Variants in DPP10 observed in about 807,000 individuals in gnomAD.
DPP10 encodes dipeptidyl peptidase like 10.
In DPP10, 33 loss-of-function variants were observed where a neutral mutation model predicts 120.9. The observed-to-expected ratio is 0.27, with a 90% CI of 0.21 to 0.37. The LOEUF (loss-of-function observed/expected upper bound fraction) is 0.37, where lower values mean the gene tolerates loss of function less well. Ranked by LOEUF, DPP10 falls within the 10% of genes least tolerant of loss-of-function variation. DPP10 has a pLI of 1.00. For missense variants in DPP10, 816 were observed against 942.8 expected, an observed-to-expected ratio of 0.87 and a Z score of 1.76; for synonymous variants, 337 against 326.1, an observed-to-expected ratio of 1.03 and a Z score of -0.36.
Position 115,840,833 on chromosome 2 carries a change from T to C in DPP10, c.2256+10T>C. The stretch of plus-strand genomic sequence containing the variant: ...GAATTATACTATGCAGGTAAGCTAC[T>C]TTCTTAGAAGAACGTGTTTTCCTGC... On this transcript the variant is annotated intron_variant, in intron 25 of 25. Transcript: ENST00000410059. The C allele has an allele frequency of 6.2e-7, 1 of 1,607,312 alleles. No homozygotes were observed. The highest frequency in any genetic ancestry group is 8.5e-7 in the Non-Finnish European group (1 of 1,176,214).
chr2:115,413,573 A>T (rs2069127417), intron 3 of DPP10, among the ~76,000 whole-genome samples: 1 of 152,208 alleles, frequency 6.6e-6, no homozygotes, highest in Non-Finnish European at 1.5e-5. Context: ...AATTTTTAAA[A>T]AGTACCTAAA....
rs574683785 is a variant in DPP10, at chr2:115,271,822, A to G, written c.61-37417A>G. 8.5e-5 allele frequency among the ~76,000 whole-genome samples: 13 copies of G among 152,334 alleles called. No homozygotes were observed. In the East Asian group the frequency reaches 2.5e-3, roughly 29 times the overall value. The stretch of plus-strand genomic sequence containing the variant: ...TTAAAACTTGACAAATATTCTAAAA[A>G]ATGTAAAAGTGAAAATTAGGTATTT... On this transcript the variant is annotated intron_variant, in intron 1 of 25. Coordinates refer to ENST00000410059, the MANE Select transcript of DPP10 (RefSeq NM_020868.6).
intron 1 of DPP10, among the ~76,000 whole-genome samples, chr2:115,105,400 G>C (rs1410182738): frequency 1.3e-5 from 2 of 150,058 alleles, no homozygotes; most frequent in African/African-American, 4.9e-5. Flanking sequence ...AAAGGAAAAA[G>C]GGGAGCAGAT....
Position 115,292,738 on chromosome 2 carries a change from T to C in DPP10, c.61-16501T>C, listed in dbSNP as rs150263919. Among the ~76,000 whole-genome samples the C allele has an allele frequency of 5.6e-4, 86 of 152,264 alleles. No homozygotes were observed. In the East Asian group the frequency reaches 0.012, roughly 22 times the overall value. ...GATGCTATTGGTTTACCAAAAATAATTTCCTGTGATACTAAGCACATGGCT... is the reference window on the plus strand; with the variant it reads ...GATGCTATTGGTTTACCAAAAATAACTTCCTGTGATACTAAGCACATGGCT... On this transcript the variant is annotated intron_variant, in intron 1 of 25. Transcript: ENST00000410059.
chr2:115,114,088 C>T (rs2049372871), intron 1 of DPP10, among the ~76,000 whole-genome samples: 1 of 152,178 alleles, frequency 6.6e-6, no homozygotes. Flanking sequence ...ACTAATTCTG[C>T]CCACCACCAT....
intron 1 of DPP10, among the ~76,000 whole-genome samples, chr2:114,713,277 C>T (rs1000040454): frequency 9.9e-5 from 15 of 152,216 alleles, no homozygotes; most frequent in African/African-American, 2.6e-4. Flanking sequence ...CGTGAGCCAC[C>T]GTACCCCGCC....
chr2:114,448,799 T>TA (rs981466717), intron 1 of DPP10, among the ~76,000 whole-genome samples: 1 of 152,178 alleles, frequency 6.6e-6, no homozygotes, highest in African/African-American at 2.4e-5. Flanking sequence ...TCATTAGGTT[T>TA]ATCTCTTTTA....
intron 1 of DPP10, among the ~76,000 whole-genome samples, chr2:114,784,671 A>G (rs1019265536): frequency 2.0e-5 from 3 of 152,070 alleles, no homozygotes; most frequent in Non-Finnish European, 4.4e-5. Context: ...CACTCAGGGA[A>G]CTCCACACAG....
At chr2:115,384,684 G>A (rs1294710596) in intron 3 of DPP10, among the ~76,000 whole-genome samples, 57 of 143,252 alleles carry the variant, frequency 4.0e-4, no homozygotes, top group African/African-American at 1.5e-3. Flanking sequence ...AGAAGAAGAG[G>A]AAGAAGAAGA....
intron 1 of DPP10, among the ~76,000 whole-genome samples, chr2:114,632,290 C>T (rs1265147788): frequency 6.6e-6 from 1 of 151,948 alleles, no homozygotes; most frequent in Non-Finnish European, 1.5e-5. Flanking sequence ...ATTGTGAGTA[C>T]TCTGCTCCCG....
At chr2:115,389,984 G>A (rs2067215685) in intron 3 of DPP10, among the ~76,000 whole-genome samples, 1 of 152,116 alleles carries the variant, frequency 6.6e-6, no homozygotes, top group Non-Finnish European at 1.5e-5. Flanking sequence ...GGATCGTGAG[G>A]GCATTAGGAA....
chr2:115,087,986 T>C (rs1161213810), intron 1 of DPP10, among the ~76,000 whole-genome samples: 1 of 152,218 alleles, frequency 6.6e-6, no homozygotes, highest in East Asian at 1.9e-4. Context: ...TTCACAGTTC[T>C]AGAGGCTGGG....
intron 1 of DPP10, among the ~76,000 whole-genome samples, chr2:114,852,321 G>A (rs1198736017): frequency 2.0e-5 from 3 of 151,502 alleles, no homozygotes; most frequent in Non-Finnish European, 4.4e-5. Flanking sequence ...TTTCATTATA[G>A]TACACTCAGT....
chr2:115,292,395 A>T (rs1385692881), intron 1 of DPP10, among the ~76,000 whole-genome samples: 1 of 152,134 alleles, frequency 6.6e-6, no homozygotes, highest in African/African-American at 2.4e-5. Context: ...AAACTCAAGA[A>T]AAACTACTTT....
At chr2:114,694,712 A>G (rs1471537318) in intron 1 of DPP10, among the ~76,000 whole-genome samples, 1 of 152,016 alleles carries the variant, frequency 6.6e-6, no homozygotes, top group Admixed American at 6.6e-5. Context: ...AGCATCAGTT[A>G]TAAGTACCTA....
chr2:115,614,574 C>T (rs572316380), intron 5 of DPP10, among the ~76,000 whole-genome samples: 29 of 152,190 alleles, frequency 1.9e-4, no homozygotes, highest in South Asian at 1.0e-3. Context: ...TATAGGCATA[C>T]GCCACCACAC....
chr2:114,754,961 T>C (rs1044552572), intron 1 of DPP10, among the ~76,000 whole-genome samples: 3 of 152,212 alleles, frequency 2.0e-5, no homozygotes, highest in African/African-American at 7.2e-5. Context: ...TAACTTTTAG[T>C]CATGTTTCTA....
intron 1 of DPP10, among the ~76,000 whole-genome samples, chr2:115,097,432 C>G (rs1376168088): frequency 6.6e-6 from 1 of 152,158 alleles, no homozygotes; most frequent in African/African-American, 2.4e-5. Flanking sequence ...TCACCAAAAT[C>G]TCACTAATGA....
At chr2:115,003,562 A>G (rs1323258879) in intron 1 of DPP10, among the ~76,000 whole-genome samples, 1 of 152,176 alleles carries the variant, frequency 6.6e-6, no homozygotes, top group African/African-American at 2.4e-5. Context: ...AAAGAAGTAA[A>G]TTTTGTGAAG....
Sources: gnomAD v4.1 joint callset for allele counts (sites outside exome capture counted in the v4.1 genomes callset) on GRCh38, gnomAD v4.1.1 for gene constraint, MANE v1.5 for transcripts, NCBI Gene and HGNC (gene_info 2026-07-23, HGNC 2026-07-21) for gene names.